Variants in SLC7A1 observed in about 807,000 individuals in gnomAD.
SLC7A1 encodes the protein solute carrier family 7 member 1.
Under a neutral mutation model 53.9 loss-of-function variants are expected in SLC7A1, and 10 were observed. That is an observed-to-expected ratio of 0.19 (90% CI 0.11 to 0.31). The LOEUF is 0.31. SLC7A1 is among the 10% of genes least tolerant of loss of function. The probability of loss-of-function intolerance (pLI) is 1.00; values close to 1 mark genes in which losing one functional copy is unlikely to be tolerated. For synonymous variants in SLC7A1, 342 were observed against 338.7 expected, an observed-to-expected ratio of 1.01 and a Z score of -0.11; for missense variants, 525 against 827.2, an observed-to-expected ratio of 0.63 and a Z score of 4.48.
rs897159927 is a variant in SLC7A1 at position 29,535,946 on chromosome 13, G to A, written c.243C>T (p.Gly81=). The A allele has an allele frequency of 6.2e-7, 1 of 1,614,190 alleles. No individual in the cohort carries two copies. The highest frequency in any genetic ancestry group is 8.5e-7 in the Non-Finnish European group (1 of 1,180,050). ...GAGCACCAAACTCGCCATAGCACAG[G>A]CCAGCCAGCACTGAGGCCAGCGCAG... is the stretch of plus-strand genomic sequence containing the variant. ...LIAALASVLA[G]LCYGEFGARV... The change falls in exon 3 of 13, where the codon GGC becomes GGT. Residue 81 remains glycine (G), a synonymous_variant. Coordinates refer to ENST00000380752, the MANE Select transcript of SLC7A1 (RefSeq NM_003045.5).
intron 2 of SLC7A1, among the ~76,000 whole-genome samples, chr13:29,545,258 C>G (rs1279923429): frequency 6.6e-6 from 1 of 152,092 alleles, no homozygotes; most frequent in Admixed American, 6.5e-5. Context: ...TCTAGGAAGC[C>G]CTCTCCAAGC....
At chr13:29,583,661 A>G (rs1453232640) in intron 1 of SLC7A1, among the ~76,000 whole-genome samples, 1 of 152,210 alleles carries the variant, frequency 6.6e-6, no homozygotes, top group Non-Finnish European at 1.5e-5. Context: ...CCCAAGAAAC[A>G]TGAGACGGCA....
intron 1 of SLC7A1, among the ~76,000 whole-genome samples, chr13:29,568,802 G>A (rs1052409960): frequency 2.0e-5 from 3 of 152,178 alleles, no homozygotes; most frequent in African/African-American, 7.2e-5. Context: ...GTGCTACCTG[G>A]CCCTGTAGAC....
chr13:29,580,873 C>T lies in SLC7A1; in HGVS notation c.-115+14543G>A, dbSNP rs570075534. ...GATTTTCAACAAGGCAATACACACA[C>T]GGCTCAAAAATTCAAAAGCTACCCA... On this transcript the variant is annotated intron_variant, in intron 1 of 12. Coordinates refer to ENST00000380752, the MANE Select transcript of SLC7A1 (RefSeq NM_003045.5). 2.6e-5 allele frequency among the ~76,000 whole-genome samples: 4 copies of T among 152,040 alleles called. No homozygotes were observed. In the South Asian group the frequency reaches 8.3e-4, roughly 32 times the overall value.
At chr13:29,523,187 GCTGTACCTGGC>G in intron 7 of SLC7A1, 68 bp downstream of exon 7, 1 of 1,167,984 alleles carries the variant, frequency 8.6e-7, no homozygotes. Flanking sequence ...GTCTCGCATG[GCTGTACCTGGC>G]CTGCTATAGC....
At chr13:29,565,200 C>T (rs1870917005) in intron 1 of SLC7A1, among the ~76,000 whole-genome samples, 1 of 152,170 alleles carries the variant, frequency 6.6e-6, no homozygotes, top group African/African-American at 2.4e-5. Flanking sequence ...GTGACTTAAC[C>T]CAAAAGAGTA....
At chr13:29,515,288 C>T (rs890377782) in intron 12 of SLC7A1, among the ~76,000 whole-genome samples, 1 of 152,264 alleles carries the variant, frequency 6.6e-6, no homozygotes, top group Admixed American at 6.5e-5. Context: ...TCTGCCTTCA[C>T]CAGGCCTGGA....
intron 8 of SLC7A1, 112 bp downstream of exon 8, chr13:29,522,205 T>C (rs1868658896): frequency 9.0e-7 from 1 of 1,105,838 alleles, no homozygotes; most frequent in Non-Finnish European, 1.3e-6. Flanking sequence ...AACCAGGAGT[T>C]AAAAAGACCA....
intron 1 of SLC7A1, among the ~76,000 whole-genome samples, chr13:29,584,867 C>T (rs1247547146): frequency 6.6e-6 from 1 of 152,202 alleles, no homozygotes; most frequent in Non-Finnish European, 1.5e-5. Flanking sequence ...CAAAAAATAA[C>T]ATTTCTATGA....
intron 1 of SLC7A1, among the ~76,000 whole-genome samples, chr13:29,560,138 T>C (rs1476840670): frequency 7.0e-6 from 1 of 142,016 alleles, no homozygotes; most frequent in Non-Finnish European, 1.5e-5. Flanking sequence ...AATTTTTTTG[T>C]TTTTTTTTAC....
rs763308375 is a variant in SLC7A1, at chr13:29,516,208, G to A, written c.1716C>T (p.Phe572=). Residue 572 remains phenylalanine (F), a synonymous_variant, in exon 12 of 13, where the codon TTC becomes TTT. Coordinates refer to ENST00000380752, the MANE Select transcript of SLC7A1 (RefSeq NM_003045.5). ...FLPVLPILSI[F]VNVYLMMQLD... ...GCTGCATCATGAGATAGACGTTCACGAAGATGCTCAGGATGGGGAGCACTG... is the reference window on the plus strand; with the variant it reads ...GCTGCATCATGAGATAGACGTTCACAAAGATGCTCAGGATGGGGAGCACTG... 4.3e-6 allele frequency: 7 copies of A among 1,613,522 alleles called. No homozygotes were observed. Among genetic ancestry groups the A allele is most frequent in the Non-Finnish European group, 5.1e-6 (6 of 1,179,810 alleles).
At position 29,514,437 on chromosome 13, in the gene SLC7A1, G is replaced by T; in HGVS notation, c.*43C>A. ...GGGTGCCTCCCGGTCCTCTGGGGGC[G>T]TCCCTCGGGGCTGCTGCCACCTCCG... On this transcript the variant is annotated 3_prime_UTR_variant, in exon 13 of 13. Coordinates refer to ENST00000380752, the MANE Select transcript of SLC7A1 (RefSeq NM_003045.5). 6.8e-7 allele frequency: 1 copy of T among 1,479,254 alleles called. No individual in the cohort carries two copies. The highest frequency in any genetic ancestry group is 9.3e-7 in the Non-Finnish European group (1 of 1,071,238). 91.6% of individuals were successfully genotyped at this position (1,479,254 alleles called of 1,614,324 possible).
At chr13:29,561,180 C>A (rs772370131) in intron 1 of SLC7A1, among the ~76,000 whole-genome samples, 13 of 152,082 alleles carry the variant, frequency 8.5e-5, no homozygotes, top group Non-Finnish European at 1.5e-5. Context: ...TAAGAACGGA[C>A]CAAACACTAA....
Position 29,512,611 on chromosome 13 carries a change from CA to C in SLC7A1, c.*1868del, listed in dbSNP as rs996746841. The C allele has an allele frequency of 6.6e-6, 1 of 152,126 alleles. No homozygotes were observed. 9.4% of individuals were successfully genotyped at this position (152,126 alleles called of 1,614,324 possible). A position where few individuals can be genotyped will look rare whatever the true frequency, so the allele number is the denominator to read the frequency against. ...ACCAGGTCCTAAGACAAGAGACAAC[CA>C]AAACCCCAACAAAATAAGTTAGTAT... On this transcript the variant is annotated 3_prime_UTR_variant, in exon 13 of 13. Coordinates refer to ENST00000380752, the MANE Select transcript of SLC7A1 (RefSeq NM_003045.5).
chr13:29,594,594 C>G (rs1872232088), intron 1 of SLC7A1, among the ~76,000 whole-genome samples: 1 of 152,228 alleles, frequency 6.6e-6, no homozygotes, highest in Admixed American at 6.5e-5. Flanking sequence ...AAGTTTTCTA[C>G]TACGCAGAAA....
intron 1 of SLC7A1, among the ~76,000 whole-genome samples, chr13:29,568,327 T>TA (rs1203745952): frequency 6.6e-6 from 1 of 152,154 alleles, no homozygotes; most frequent in Non-Finnish European, 1.5e-5. Flanking sequence ...GGCAAATTTT[T>TA]AAAAAACCAC....
chr13:29,564,262 C>T (rs781402326), intron 1 of SLC7A1, among the ~76,000 whole-genome samples: 1 of 152,128 alleles, frequency 6.6e-6, no homozygotes, highest in Non-Finnish European at 1.5e-5. Flanking sequence ...GTTATAGGCC[C>T]ACTGACAATA....
At chr13:29,536,284 G>T in intron 2 of SLC7A1, 82 bp from the exon 3 acceptor site, 1 of 1,347,562 alleles carries the variant, frequency 7.4e-7, no homozygotes, top group Non-Finnish European at 1.0e-6. Context: ...TGGAAACACA[G>T]ACAGTGATCA....
At chr13:29,542,348 G>A (rs113231831) in intron 2 of SLC7A1, among the ~76,000 whole-genome samples, 1,624 of 152,068 alleles carry the variant, frequency 0.011, 26 homozygotes, top group African/African-American at 0.036. Context: ...CCAGCTACCC[G>A]GGAGGCTGAG....
Sources: gnomAD v4.1 joint callset for allele counts (sites outside exome capture counted in the v4.1 genomes callset) on GRCh38, gnomAD v4.1.1 for gene constraint, MANE v1.5 for transcripts, NCBI Gene and HGNC (gene_info 2026-07-23, HGNC 2026-07-21) for gene names.